PITRM1: variants seen among roughly 807,000 people sequenced by gnomAD.
The protein encoded by PITRM1 is pitrilysin metallopeptidase 1, also known as presequence protease, mitochondrial.
PITRM1 carries 100 observed loss-of-function variants against 129.9 expected under a neutral mutation model. That is an observed-to-expected ratio of 0.77 (90% CI 0.65 to 0.91). The LOEUF is 0.91. PITRM1 is among the 40% of genes least tolerant of loss of function. PITRM1 has a pLI of 0.00. For missense variants in PITRM1, 1,471 were observed against 1,318.3 expected, an observed-to-expected ratio of 1.12 and a Z score of -1.79; for synonymous variants, 591 against 508.8, an observed-to-expected ratio of 1.16 and a Z score of -2.17.
intron 14 of PITRM1, among the ~76,000 whole-genome samples, chr10:3,153,731 G>A (rs1009241997): frequency 5.3e-5 from 8 of 152,152 alleles, no homozygotes; most frequent in Non-Finnish European, 1.0e-4. Flanking sequence ...TTTACATGAT[G>A]TAACTTCAAA....
rs141427337 is a variant in PITRM1 at position 3,139,245 on chromosome 10, C to CA, written c.2772-197dup. 8.3e-3 allele frequency among the ~76,000 whole-genome samples: 1,265 copies of CA among 152,320 alleles called. 13 individuals carry two copies. Among genetic ancestry groups the CA allele is most frequent in the African/African-American group, 0.029 (1,195 of 41,566 alleles). ...TTTAAATCTGATCACATAAGCCTTT[C>CA]AACATGTTCTCCCTCTTAGACAAGG... is the stretch of plus-strand genomic sequence containing the variant. On this transcript the variant is annotated intron_variant, in intron 24 of 26. Coordinates refer to ENST00000224949, the MANE Select transcript of PITRM1 (RefSeq NM_014889.4).
intron 15 of PITRM1, 108 bp from the exon 16 acceptor site, chr10:3,149,861 A>C: frequency 8.7e-7 from 1 of 1,145,840 alleles, no homozygotes; most frequent in Non-Finnish European, 1.3e-6. Context: ...TGGAGGTTTA[A>C]GACTTATACT....
At chr10:3,164,776 T>C (rs1038969387) in intron 6 of PITRM1, among the ~76,000 whole-genome samples, 16 of 152,342 alleles carry the variant, frequency 1.1e-4, no homozygotes, top group African/African-American at 3.6e-4. Context: ...ATACTTCTCA[T>C]AACAAAGTAA....
chr10:3,163,456 G>A (rs1327425147), intron 7 of PITRM1: 4 of 243,302 alleles, frequency 1.6e-5, no homozygotes, highest in Non-Finnish European at 3.2e-5. Context: ...TAGATGTGAG[G>A]CAACAGGCTG....
intron 23 of PITRM1, 129 bp from the exon 24 acceptor site, chr10:3,140,941 A>G (rs1840126840): frequency 1.1e-6 from 1 of 874,644 alleles, no homozygotes; most frequent in Non-Finnish European, 1.8e-6. Context: ...ATGGTCCCAT[A>G]TTTTGGTCTT....
At chr10:3,140,928 A>G (rs761741856) in intron 23 of PITRM1, 116 bp from the exon 24 acceptor site, 30 of 939,252 alleles carry the variant, frequency 3.2e-5, no homozygotes, top group Non-Finnish European at 4.2e-5. Flanking sequence ...TGCTGCATAA[A>G]TTATGGTCCC....
At position 3,166,886 on chromosome 10, in the gene PITRM1, T is replaced by C. The variant is rs576992236; in HGVS notation, c.266+50A>G. The C allele has an allele frequency of 1.3e-5, 15 of 1,131,902 alleles. No homozygotes were observed. In the African/African-American group the frequency reaches 1.8e-4, roughly 14 times the overall value. The allele number at this position is 1,131,902 out of a possible 1,614,324, so 70.1% of individuals were successfully genotyped here. On this transcript the variant is annotated intron_variant, in intron 3 of 26. Coordinates refer to ENST00000224949, the MANE Select transcript of PITRM1 (RefSeq NM_014889.4). ...GGGAAGCCAAAAGAATGGACATTCC[T>C]GATTTAAATAAAAACATTCAAGACC...
rs41305673 is a variant in PITRM1, at chr10:3,149,638, G to A, written c.1854C>T (p.Phe618=). 3 of 1,579,986 alleles carry A rather than the reference G, an allele frequency of 1.9e-6. No individual in the cohort carries two copies. The highest frequency in any genetic ancestry group is 2.3e-5 in the East Asian group (1 of 44,248). The change falls in exon 16 of 27, where the codon TTC becomes TTT. Residue 618 remains phenylalanine, a synonymous_variant. Transcript: ENST00000224949. ...PEELRPYVPL[F]CSVLTKLGCG... is the part of the protein sequence containing the mutation. ...ACTCGTACTTGGTGAGGACGCTGCA[G>A]AAGAGGGGCACATAGGGCCTCAGCT...
intron 7 of PITRM1, among the ~76,000 whole-genome samples, chr10:3,161,394 A>T (rs1378464676): frequency 6.6e-6 from 1 of 152,236 alleles, no homozygotes; most frequent in Non-Finnish European, 1.5e-5. Context: ...AAAAGGTTAC[A>T]ATGACAGAAT....
At chr10:3,156,648 TCTA>T (rs1170288460) in intron 13 of PITRM1, among the ~76,000 whole-genome samples, 1 of 152,244 alleles carries the variant, frequency 6.6e-6, no homozygotes, top group Non-Finnish European at 1.5e-5. Context: ...TTTATATTCT[TCTA>T]CTAATAAAAG....
intron 2 of PITRM1, among the ~76,000 whole-genome samples, chr10:3,168,560 T>C (rs1194305322): frequency 6.8e-6 from 1 of 147,394 alleles, no homozygotes; most frequent in Non-Finnish European, 1.5e-5. Context: ...GGGAGGGACC[T>C]GGTGGGAGGT....
At chr10:3,140,549 GC>G in intron 24 of PITRM1, 137 bp downstream of exon 24, 2 of 744,868 alleles carry the variant, frequency 2.7e-6, no homozygotes, top group South Asian at 3.7e-5. Context: ...GTGGCTAAGT[GC>G]CCAAGGAGTG....
rs1375923758 is a variant in PITRM1 at position 3,144,273 on chromosome 10, G to C, written c.2532+19C>G. 1 of 1,503,046 alleles carries C rather than the reference G, an allele frequency of 6.7e-7. No individual in the cohort carries two copies. Among genetic ancestry groups the C allele is most frequent in the East Asian group, 2.5e-5 (1 of 40,808 alleles). 93.1% of individuals were successfully genotyped at this position (1,503,046 alleles called of 1,614,324 possible). A position where few individuals can be genotyped will look rare whatever the true frequency, so the allele number is the denominator to read the frequency against. ...GAAGCACCCACCCGCTGGCAACCCG[G>C]ATGGGCTGTGGTTCTTACCATGACC... On this transcript the variant is annotated intron_variant, in intron 22 of 26. Transcript: ENST00000224949.
intron 19 of PITRM1, 46 bp downstream of exon 19, chr10:3,147,526 T>A: frequency 6.3e-7 from 1 of 1,579,490 alleles, no homozygotes; most frequent in Non-Finnish European, 8.7e-7. Context: ...AACTCTGGAA[T>A]ATGTGGCTAA....
intron 23 of PITRM1, among the ~76,000 whole-genome samples, chr10:3,142,216 A>G (rs1314375130): frequency 6.6e-6 from 1 of 152,232 alleles, no homozygotes; most frequent in African/African-American, 2.4e-5. Context: ...TAAATGAACA[A>G]AACAGCTGAC....
In PITRM1 at chr10:3,149,653, G is replaced by A. The variant is rs1841302378; in HGVS notation, c.1839C>T (p.Pro613=). 6.3e-7 allele frequency: 1 copy of A among 1,592,682 alleles called. No individual in the cohort carries two copies. Among genetic ancestry groups the A allele is most frequent in the South Asian group, 1.1e-5 (1 of 87,276 alleles). The change falls in exon 16 of 27, where the codon CCC becomes CCT. Residue 613 remains proline, a synonymous_variant. Transcript: ENST00000224949. ...SLNTLPEELR[P]YVPLFCSVLT... ...GGACGCTGCAGAAGAGGGGCACATA[G>A]GGCCTCAGCTCCTCGGGGAGTGTGT...
At chr10:3,159,353 G>A (rs1424161529) in intron 9 of PITRM1, among the ~76,000 whole-genome samples, 1 of 152,236 alleles carries the variant, frequency 6.6e-6, no homozygotes, top group East Asian at 1.9e-4. Flanking sequence ...AACAAGCCAG[G>A]AGAGGTGCCA....
At chr10:3,142,693 T>C (rs1416954632) in intron 23 of PITRM1, among the ~76,000 whole-genome samples, 2 of 152,228 alleles carry the variant, frequency 1.3e-5, no homozygotes, top group Non-Finnish European at 2.9e-5. Flanking sequence ...GGCCTGACCC[T>C]GACTCTTGGC....
intron 1 of PITRM1, chr10:3,172,072 G>T (rs1358759158): frequency 2.6e-6 from 1 of 382,048 alleles, no homozygotes; most frequent in Admixed American, 3.5e-5. Flanking sequence ...GTTTTAAGAA[G>T]TTACTTATCA....
Sources: gnomAD v4.1 joint callset for allele counts (sites outside exome capture counted in the v4.1 genomes callset) on GRCh38, gnomAD v4.1.1 for gene constraint, MANE v1.5 for transcripts, NCBI Gene and HGNC (gene_info 2026-07-23, HGNC 2026-07-21) for gene names.